The following STARD9 variants were observed in gnomAD, a reference collection of about 807,000 sequenced individuals.
STARD9 encodes the protein stAR-related lipid transfer protein 9.
A neutral mutation model predicts 399.8 loss-of-function variants in STARD9; 346 were observed. That is an observed-to-expected ratio of 0.87 (90% confidence interval 0.79 to 0.95). The LOEUF (loss-of-function observed/expected upper bound fraction) is 0.95, where lower values mean the gene tolerates loss of function less well. STARD9 is among the 40% of genes least tolerant of loss of function. The pLI is 0.00. For missense variants in STARD9, 5,832 were observed against 5,667.5 expected (o/e 1.03, Z -0.93); for synonymous variants, 2,203 against 2,143.5 (o/e 1.03, Z -0.77).
intron 32 of STARD9, 54 bp downstream of exon 32, chr15:42,718,964 C>G (rs531067051): frequency 1.8e-5 from 27 of 1,489,526 alleles, no homozygotes; most frequent in Non-Finnish European, 2.4e-5. Context: ...GGTCCCACAG[C>G]CCCCTGGGAT....
rs58884115 is a variant in STARD9 at position 42,591,487 on chromosome 15, T to TAAA, written c.234+5864_234+5866dup. 1.1e-3 allele frequency among the ~76,000 whole-genome samples: 154 copies of TAAA among 136,078 alleles called. 3 individuals carry two copies. Among genetic ancestry groups the TAAA allele is most frequent in the African/African-American group, 4.1e-3 (151 of 37,054 alleles). 89.3% of individuals were successfully genotyped at this position (136,078 alleles called of 152,430 possible). ...AGGGCAACAGAGCAAGAGTCCATCT[T>TAAA]AAAAAAAAAAAAAAAATGTCTGGAC... On this transcript the variant is annotated intron_variant, in intron 3 of 32. Coordinates refer to ENST00000290607, the MANE Select transcript of STARD9 (RefSeq NM_020759.3).
At position 42,691,957 on chromosome 15, in the gene STARD9, A is replaced by G. The variant is rs1490854593; in HGVS notation, c.10379A>G (p.His3460Arg). ...WCSQMDKGML[H>R]FGSSDISPYA... ...TCTCAGATGGACAAAGGAATGCTGC[A>G]CTTTGGCTCCAGTGACATCAGTCCC... is the stretch of plus-strand genomic sequence containing the variant. Residue 3460 changes from histidine to arginine, a missense_variant, in exon 23 of 33, where the codon CAC (histidine) becomes CGC (arginine). By Grantham distance (29) the His-to-Arg change is conservative (BLOSUM62 0). Coordinates refer to ENST00000290607, the MANE Select transcript of STARD9 (RefSeq NM_020759.3). The G allele has an allele frequency of 6.5e-7, 1 of 1,537,276 alleles. No homozygotes were observed. The highest frequency in any genetic ancestry group is 1.2e-5 in the South Asian group (1 of 84,062).
rs535681963 is a variant in STARD9, at chr15:42,575,643, T to C, written c.-73T>C. Reference sequence around the variant, plus strand: ...GGCGGGCGGGGCTGGGTTGGGGCTGTGTCTGGGCTTAGGGCGGGGGCCTGG... The same window carrying C: ...GGCGGGCGGGGCTGGGTTGGGGCTGCGTCTGGGCTTAGGGCGGGGGCCTGG... On this transcript the variant is annotated 5_prime_UTR_variant, in exon 1 of 33. Transcript: ENST00000290607. The C allele has an allele frequency of 4.7e-6, 7 of 1,491,244 alleles. No individual in the cohort carries two copies. Among genetic ancestry groups the C allele is most frequent in the East Asian group, 2.5e-5 (1 of 40,578 alleles). 92.4% of individuals were successfully genotyped at this position (1,491,244 alleles called of 1,614,324 possible). A position where few individuals can be genotyped will look rare whatever the true frequency, so the allele number is the denominator to read the frequency against.
intron 3 of STARD9, among the ~76,000 whole-genome samples, chr15:42,586,631 T>C (rs2141674843): frequency 6.6e-6 from 1 of 152,232 alleles, no homozygotes; most frequent in Middle Eastern, 3.4e-3. Flanking sequence ...AAACCTAAAA[T>C]TGGAAAAGCC....
chr15:42,667,336 C>A (rs2060122339), intron 15 of STARD9, among the ~76,000 whole-genome samples: 2 of 151,980 alleles, frequency 1.3e-5, no homozygotes, highest in South Asian at 4.2e-4. Flanking sequence ...AGGCTCACGC[C>A]ACCACGCCCG....
intron 3 of STARD9, among the ~76,000 whole-genome samples, chr15:42,633,493 A>G (rs2059367980): frequency 6.6e-6 from 1 of 152,180 alleles, no homozygotes; most frequent in Non-Finnish European, 1.5e-5. Context: ...TGGCACTTCT[A>G]CCACTGTATG....
At chr15:42,708,444 C>T (rs750928745) in intron 26 of STARD9, among the ~76,000 whole-genome samples, 10 of 152,220 alleles carry the variant, frequency 6.6e-5, no homozygotes, top group Non-Finnish European at 1.5e-4. Flanking sequence ...TGCAGCTACT[C>T]AAATGGCCCA....
Position 42,688,050 on chromosome 15 carries a change from G to A in STARD9, c.6472G>A (p.Val2158Ile), listed in dbSNP as rs907870739. 4 of 1,537,346 alleles carry A rather than the reference G, an allele frequency of 2.6e-6. No homozygotes were observed. In the African/African-American group the frequency reaches 5.5e-5, roughly 21 times the overall value. Residue 2158 changes from valine (V) to isoleucine (I), a missense_variant, in exon 23 of 33, where the codon GTA (valine) becomes ATA (isoleucine). Coordinates refer to ENST00000290607, the MANE Select transcript of STARD9 (RefSeq NM_020759.3). ...AAACCCCTTCAGGTCAAGGGAAGGT[G>A]TACGAGAGAGTGAACCTGTGAGAGA... is the stretch of plus-strand genomic sequence containing the variant. ...TPNPFRSREG[V>I]RESEPVREHT... is the part of the protein sequence containing the mutation.
intron 3 of STARD9, among the ~76,000 whole-genome samples, chr15:42,610,183 T>A (rs1478189883): frequency 6.6e-6 from 1 of 152,252 alleles, no homozygotes; most frequent in African/African-American, 2.4e-5. Flanking sequence ...CATTGCTTTA[T>A]GATAGTCATT....
Position 42,686,561 on chromosome 15 carries a change from A to T in STARD9, c.4983A>T (p.Thr1661=). ...QKNACHSNVT[T]ATKADHWSQG... ...ACGCTTGTCACAGTAATGTCACTAC[A>T]GCCACCAAAGCAGACCATTGGTCCC... The change falls in exon 23 of 33, where the codon ACA becomes ACT. Residue 1661 remains threonine (T), a synonymous_variant. Transcript: ENST00000290607. 1.3e-6 allele frequency: 2 copies of T among 1,537,582 alleles called. No individual in the cohort carries two copies. Among genetic ancestry groups the T allele is most frequent in the Non-Finnish European group, 1.7e-6 (2 of 1,147,026 alleles).
chr15:42,675,833 G>T (rs751315377), intron 19 of STARD9, 39 bp from the exon 20 acceptor site: 1 of 1,534,312 alleles, frequency 6.5e-7, no homozygotes, highest in South Asian at 1.2e-5. Flanking sequence ...AGGTGGAGGC[G>T]ATGACAGCAG....
At chr15:42,699,986 C>T (rs2060930951) in intron 26 of STARD9, among the ~76,000 whole-genome samples, 1 of 152,134 alleles carries the variant, frequency 6.6e-6, no homozygotes, top group Admixed American at 6.5e-5. Context: ...GGGTTACAGG[C>T]GTGTGAGATC....
At position 42,693,879 on chromosome 15, in the gene STARD9, G is replaced by C; in HGVS notation, c.12301G>C (p.Gly4101Arg). The C allele has an allele frequency of 2.0e-6, 3 of 1,534,286 alleles. No homozygotes were observed. Among genetic ancestry groups the C allele is most frequent in the Non-Finnish European group, 1.7e-6 (2 of 1,144,914 alleles). The change falls in exon 23 of 33, where the codon GGT (glycine) becomes CGT (arginine). Residue 4101 changes from glycine (G) to arginine (R), a missense_variant. Coordinates refer to ENST00000290607, the MANE Select transcript of STARD9 (RefSeq NM_020759.3). Reference sequence around the variant, plus strand: ...GTTGACTGATACTGCAGGGCTCCGAGGTTCTGCCTTGGGCCTCCCTCAGGC... The same window carrying C: ...GTTGACTGATACTGCAGGGCTCCGACGTTCTGCCTTGGGCCTCCCTCAGGC... ...SELTDTAGLR[G>R]SALGLPQACQ...
At chr15:42,612,926 G>T (rs865821954) in intron 3 of STARD9, among the ~76,000 whole-genome samples, 48 of 148,258 alleles carry the variant, frequency 3.2e-4, no homozygotes, top group Non-Finnish European at 3.6e-4. Flanking sequence ...GGAGGTTGCA[G>T]TCAGCCAAGA....
At chr15:42,678,773 G>T (rs1174473003) in intron 20 of STARD9, among the ~76,000 whole-genome samples, 1 of 152,208 alleles carries the variant, frequency 6.6e-6, no homozygotes, top group African/African-American at 2.4e-5. Context: ...AAAGACAGAG[G>T]TCCCTTGGCT....
In STARD9 at chr15:42,718,346, G is replaced by T. The variant is rs1566971360; in HGVS notation, c.13763-89G>T. 8 of 1,260,612 alleles carry T rather than the reference G, an allele frequency of 6.3e-6. No homozygotes were observed. The South Asian group carries it at 9.0e-5, about 14-fold the overall frequency. 78.1% of individuals were successfully genotyped at this position (1,260,612 alleles called of 1,614,324 possible). ...GTTGAGCTAGGTGTCAAGTGATGGG[G>T]TGTTGGGGGGAGGGCTCCCTGACCA... On this transcript the variant is annotated intron_variant, in intron 30 of 32. Transcript: ENST00000290607.
chr15:42,698,031 A>G (rs1030192460), intron 26 of STARD9, among the ~76,000 whole-genome samples: 2 of 152,178 alleles, frequency 1.3e-5, no homozygotes, highest in South Asian at 4.1e-4. Context: ...TATACCTTAT[A>G]TATTTTTTTC....
At chr15:42,612,991 A>G (rs1008999706) in intron 3 of STARD9, among the ~76,000 whole-genome samples, 140 of 15,132 alleles carry the variant, frequency 9.3e-3, no homozygotes, top group African/African-American at 0.014. Context: ...CTCAGAGGGG[A>G]AAAAAAAAAA....
intron 9 of STARD9, among the ~76,000 whole-genome samples, chr15:42,656,786 A>T (rs1047130149): frequency 1.3e-5 from 2 of 152,174 alleles, no homozygotes; most frequent in African/African-American, 4.8e-5. Context: ...ACACAAAGGC[A>T]TAAGAATGAT....
Sources: gnomAD v4.1 joint callset for allele counts (sites outside exome capture counted in the v4.1 genomes callset) on GRCh38, gnomAD v4.1.1 for gene constraint, MANE v1.5 for transcripts, NCBI Gene and HGNC (gene_info 2026-07-23, HGNC 2026-07-21) for gene names.